The following CCDC192 variants were observed in gnomAD, a reference collection of about 807,000 sequenced individuals.
The protein encoded by CCDC192 is coiled-coil domain containing 192.
At chr5:127,703,280 T>A (rs980056512), upstream of CCDC192, 37 of 391,350 alleles carry the variant, frequency 9.5e-5, no homozygotes, top group Non-Finnish European at 1.7e-4. Flanking sequence ...TGCAGCTTTG[T>A]AACGGAGATT....
chr5:127,928,781 T>C (rs1028955054), intron 6 of CCDC192, among the ~76,000 whole-genome samples: 1 of 152,092 alleles, frequency 6.6e-6, no homozygotes, highest in African/African-American at 2.4e-5. Context: ...TTTTTTTTTT[T>C]TTAAGACGGA....
intron 6 of CCDC192, among the ~76,000 whole-genome samples, chr5:127,924,879 A>G (rs1753822302): frequency 1.3e-5 from 2 of 152,094 alleles, no homozygotes; most frequent in South Asian, 4.1e-4. Context: ...ATCTTTCCCC[A>G]CTTTCCTTTT....
intron 6 of CCDC192, among the ~76,000 whole-genome samples, chr5:127,898,225 A>C (rs10058856): frequency 0.72 from 109,688 of 151,662 alleles, 40,185 homozygotes; most frequent in African/African-American, 0.86. Flanking sequence ...TCTCCTGCCT[A>C]GGCCCCTCGA....
intron 3 of CCDC192, among the ~76,000 whole-genome samples, chr5:127,793,362 C>G (rs74776255): frequency 0.013 from 2,016 of 152,128 alleles, 20 homozygotes; most frequent in Non-Finnish European, 0.022. Flanking sequence ...TAAAAGGAAG[C>G]AAGATGGTGG....
At chr5:127,719,928 C>A (rs1043823591) in intron 2 of CCDC192, among the ~76,000 whole-genome samples, 3 of 151,952 alleles carry the variant, frequency 2.0e-5, no homozygotes, top group African/African-American at 7.3e-5. Flanking sequence ...CCCCCCGATC[C>A]AATCATCTCC....
rs74947842 is a variant in CCDC192, at chr5:127,863,849, A to C, written c.412-11689A>C. On this transcript the variant is annotated intron_variant, in intron 5 of 6. Coordinates refer to ENST00000514853, the MANE Select transcript of CCDC192 (RefSeq NM_001317938.2). ...TTAGAGCAAGTAGAGGTCACTTTCAACTTTGACGCATAAAAACTGAGCAAA... is the reference window on the plus strand; with the variant it reads ...TTAGAGCAAGTAGAGGTCACTTTCACCTTTGACGCATAAAAACTGAGCAAA... 4.4e-3 allele frequency among the ~76,000 whole-genome samples: 668 copies of C among 152,330 alleles called. 3 individuals are homozygous for C. The highest frequency in any genetic ancestry group is 0.015 in the African/African-American group (632 of 41,572).
chr5:127,816,625 T>C (rs1749038551), intron 5 of CCDC192, among the ~76,000 whole-genome samples: 1 of 152,170 alleles, frequency 6.6e-6, no homozygotes, highest in Non-Finnish European at 1.5e-5. Flanking sequence ...CTCTGTGCAC[T>C]GGAAGCCTCC....
At chr5:127,856,544 A>G (rs959757557) in intron 5 of CCDC192, among the ~76,000 whole-genome samples, 10 of 152,206 alleles carry the variant, frequency 6.6e-5, no homozygotes, top group African/African-American at 1.9e-4. Flanking sequence ...AGGTAACTCT[A>G]TGGTGCAACA....
At chr5:127,931,471 C>G (rs1754028071) in intron 6 of CCDC192, among the ~76,000 whole-genome samples, 1 of 152,160 alleles carries the variant, frequency 6.6e-6, no homozygotes, top group Non-Finnish European at 1.5e-5. Flanking sequence ...TGTCAAGTAG[C>G]CAGCACAATA....
chr5:127,898,695 G>A (rs898419272), intron 6 of CCDC192, among the ~76,000 whole-genome samples: 2 of 152,058 alleles, frequency 1.3e-5, no homozygotes, highest in African/African-American at 4.8e-5. Flanking sequence ...AGCCTTCCAG[G>A]GAGCCCGTTC....
chr5:127,815,646 G>A (rs185003570), intron 5 of CCDC192, among the ~76,000 whole-genome samples: 64 of 152,092 alleles, frequency 4.2e-4, no homozygotes, highest in African/African-American at 1.5e-3. Context: ...AGACGGGTGG[G>A]TCACGAGGTC....
At chr5:127,728,966 G>C (rs896972848) in intron 2 of CCDC192, among the ~76,000 whole-genome samples, 1 of 152,106 alleles carries the variant, frequency 6.6e-6, no homozygotes, top group Non-Finnish European at 1.5e-5. Context: ...GAGTGCAGTG[G>C]CATGATCTCG....
intron 5 of CCDC192, among the ~76,000 whole-genome samples, chr5:127,866,481 A>G (rs1451096906): frequency 2.7e-5 from 4 of 147,778 alleles, no homozygotes; most frequent in Non-Finnish European, 5.9e-5. Context: ...CACATACTAG[A>G]TGAAAGCAAT....
intron 2 of CCDC192, among the ~76,000 whole-genome samples, chr5:127,741,515 G>C (rs1273584537): frequency 6.6e-6 from 1 of 152,200 alleles, no homozygotes; most frequent in Non-Finnish European, 1.5e-5. Context: ...TGTGCTTACT[G>C]TATGTGTGTG....
At chr5:127,821,325 G>T (rs2127020274) in intron 5 of CCDC192, among the ~76,000 whole-genome samples, 1 of 152,324 alleles carries the variant, frequency 6.6e-6, no homozygotes, top group Non-Finnish European at 1.5e-5. Context: ...AGGTTATGTT[G>T]TCAACAATAG....
At chr5:127,777,451 G>A (rs1755935965) in intron 3 of CCDC192, among the ~76,000 whole-genome samples, 1 of 152,214 alleles carries the variant, frequency 6.6e-6, no homozygotes, top group Non-Finnish European at 1.5e-5. Flanking sequence ...ATAGGCAAGA[G>A]AGACTTTCCT....
intron 2 of CCDC192, among the ~76,000 whole-genome samples, chr5:127,728,166 A>G (rs1204163962): frequency 6.6e-6 from 1 of 152,192 alleles, no homozygotes; most frequent in African/African-American, 2.4e-5. Context: ...ATGACACACC[A>G]ACATTCAAAG....
intron 2 of CCDC192, among the ~76,000 whole-genome samples, chr5:127,711,493 T>C (rs893971685): frequency 2.0e-5 from 3 of 152,176 alleles, no homozygotes; most frequent in Admixed American, 6.5e-5. Flanking sequence ...CAGTGTCTTA[T>C]TTGTGTCAAA....
chr5:127,732,270 A>G (rs941779487), intron 2 of CCDC192, among the ~76,000 whole-genome samples: 1 of 152,262 alleles, frequency 6.6e-6, no homozygotes, highest in African/African-American at 2.4e-5. Context: ...CATTAGAGAA[A>G]TGCAAATCAA....
Sources: allele counts gnomAD v4.1 joint callset (sites outside exome capture counted in the v4.1 genomes callset), GRCh38; gene constraint gnomAD v4.1.1; transcripts MANE v1.5; gene names NCBI Gene and HGNC (gene_info 2026-07-23, HGNC 2026-07-21).